The following HELB variants were observed in gnomAD, a reference collection of about 807,000 sequenced individuals.
HELB encodes DNA helicase B.
A neutral mutation model predicts 101.7 loss-of-function variants in HELB; 96 were observed. That is an observed-to-expected ratio of 0.94 (90% CI 0.80 to 1.12). The LOEUF is 1.12. Among genes scored for constraint, HELB ranks in the 50% most tolerant of loss-of-function variants. HELB has a pLI of 0.00. For missense variants in HELB, 1,210 were observed against 1,291.9 expected, an observed-to-expected ratio of 0.94 and a Z score of 0.97; for synonymous variants, 437 against 459.7, an observed-to-expected ratio of 0.95 and a Z score of 0.63.
At chr12:66,309,666 T>TA in intron 3 of HELB, 40 bp from the exon 4 acceptor site, 4 of 1,328,838 alleles carry the variant, frequency 3.0e-6, no homozygotes, top group Non-Finnish European at 4.2e-6. Flanking sequence ...CATAAACACT[T>TA]ATGATGTTTA....
rs370796706 is a variant in HELB, at chr12:66,302,586, G to A, written c.-18G>A. The A allele has an allele frequency of 1.9e-5, 30 of 1,607,490 alleles. No individual in the cohort carries two copies. Among genetic ancestry groups the A allele is most frequent in the Middle Eastern group, 1.7e-4 (1 of 6,054 alleles). ...GCCAGGGTTTTCCCGAGTTGTTTGG[G>A]TTGAGTTCAGGAGAAGCATGGCCAG... On this transcript the variant is annotated 5_prime_UTR_variant, in exon 1 of 13. Coordinates refer to ENST00000247815, the MANE Select transcript of HELB (RefSeq NM_001370285.1).
chr12:66,329,706 G>C (rs1050694484), intron 11 of HELB, among the ~76,000 whole-genome samples: 12 of 152,086 alleles, frequency 7.9e-5, no homozygotes, highest in Non-Finnish European at 1.8e-4. Context: ...GCAAGAGAAG[G>C]TACAGGGAGA....
At chr12:66,329,153 ATTAT>A (rs1317940976) in intron 11 of HELB, among the ~76,000 whole-genome samples, 1 of 152,204 alleles carries the variant, frequency 6.6e-6, no homozygotes, top group Non-Finnish European at 1.5e-5. Flanking sequence ...CAATGAGGAA[ATTAT>A]TTATAGCAGG....
At position 66,308,391 on chromosome 12, in the gene HELB, A is replaced by G. The variant is rs545339694; in HGVS notation, c.778-1315A>G. ...CAGTCACTCTTCACAGAGAAGAATC[A>G]TACGTGGAGATTTTAAGCCTGGATG... On this transcript the variant is annotated intron_variant, in intron 3 of 12. Coordinates refer to ENST00000247815, the MANE Select transcript of HELB (RefSeq NM_001370285.1). 4.6e-5 allele frequency among the ~76,000 whole-genome samples: 7 copies of G among 152,342 alleles called. No homozygotes were observed. The East Asian group carries it at 1.2e-3, about 25-fold the overall frequency.
At chr12:66,309,620 T>G in intron 3 of HELB, 86 bp from the exon 4 acceptor site, 1 of 909,402 alleles carries the variant, frequency 1.1e-6, no homozygotes, top group Non-Finnish European at 1.6e-6. Flanking sequence ...GTTCATGTCT[T>G]CTGGGATTTA....
At chr12:66,332,767 G>T (rs765902375) in intron 12 of HELB, among the ~76,000 whole-genome samples, 4 of 152,198 alleles carry the variant, frequency 2.6e-5, no homozygotes, top group Non-Finnish European at 5.9e-5. Flanking sequence ...TGTCCGTTAA[G>T]ATTCACTTCT....
chr12:66,311,469 C>T (rs918196505), intron 4 of HELB, among the ~76,000 whole-genome samples: 1 of 152,090 alleles, frequency 6.6e-6, no homozygotes, highest in African/African-American at 2.4e-5. Flanking sequence ...CTAAAAACAA[C>T]AGCAAAAATT....
chr12:66,315,515 T>A, intron 6 of HELB, 132 bp downstream of exon 6: 1 of 543,238 alleles, frequency 1.8e-6, no homozygotes, highest in Non-Finnish European at 2.9e-6. Flanking sequence ...CCTTCAACTA[T>A]AAACCTTTTG....
Position 66,331,316 on chromosome 12 carries a change from A to G in HELB, c.2833A>G (p.Thr945Ala), listed in dbSNP as rs1228908122. 6.2e-7 allele frequency: 1 copy of G among 1,614,072 alleles called. No individual in the cohort carries two copies. The highest frequency in any genetic ancestry group is 8.5e-7 in the Non-Finnish European group (1 of 1,180,030). ...TATGAAAAACAGTTTTCCTAGAAAA[A>G]CTCGTTTGAAACATTTCTTGCAAAG... ...AIMKNSFPRKTRLKHFLQSKL... is the reference protein window; with the variant it reads ...AIMKNSFPRKARLKHFLQSKL... Residue 945 changes from threonine to alanine, a missense_variant, in exon 12 of 13, where the codon ACT becomes GCT. This residue lies in a region of HELB where 740 missense variants were observed against 728.8 expected (regional missense o/e 1.02). Coordinates refer to ENST00000247815, the MANE Select transcript of HELB (RefSeq NM_001370285.1).
intron 11 of HELB, among the ~76,000 whole-genome samples, chr12:66,326,463 G>A (rs560440431): frequency 2.0e-5 from 3 of 151,856 alleles, no homozygotes; most frequent in South Asian, 2.1e-4. Flanking sequence ...GGCTGGTCTC[G>A]AACTCCTGAC....
intron 12 of HELB, among the ~76,000 whole-genome samples, chr12:66,334,471 G>GAAAAAAAAAA (rs34530283): frequency 1.8e-5 from 2 of 109,510 alleles, no homozygotes; most frequent in African/African-American, 3.5e-5. Flanking sequence ...CAAAAAAAAA[G>GAAAAAAAAAA]AAAAAAAAAA....
At chr12:66,334,471 G>GAAAAAAAAA (rs34530283) in intron 12 of HELB, among the ~76,000 whole-genome samples, 4 of 109,510 alleles carry the variant, frequency 3.7e-5, no homozygotes, top group Admixed American at 9.1e-5. Flanking sequence ...CAAAAAAAAA[G>GAAAAAAAAA]AAAAAAAAAA....
In HELB at chr12:66,310,361, G is replaced by C. The variant is rs761117792; in HGVS notation, c.1433G>C (p.Gly478Ala). 6.2e-7 allele frequency: 1 copy of C among 1,614,200 alleles called. No individual in the cohort carries two copies. Among genetic ancestry groups the C allele is most frequent in the Non-Finnish European group, 8.5e-7 (1 of 1,180,040 alleles). Residue 478 changes from glycine (G) to alanine (A), a missense_variant, in exon 4 of 13, where the codon GGA becomes GCA. Physicochemically the swap from Gly to Ala is moderately conservative, Grantham distance 60. Around this residue, in one of 2 missense-constraint regions of HELB, gnomAD observed 740 missense variants for 728.8 expected, o/e 1.02. Transcript: ENST00000247815. ...NPVTVISGKG[G>A]CGKTTIVSRL... The stretch of plus-strand genomic sequence containing the variant: ...GTGACAGTCATAAGTGGGAAAGGTG[G>C]ATGTGGGAAGACCACAATCGTTAGC...
intron 1 of HELB, 127 bp from the exon 2 acceptor site, chr12:66,304,604 C>A (rs755280622): frequency 6.2e-6 from 5 of 808,872 alleles, no homozygotes; most frequent in Admixed American, 2.9e-5. Flanking sequence ...AGGCACCCTA[C>A]CAGACATCTT....
At chr12:66,313,742 C>A (rs150130465) in intron 4 of HELB, among the ~76,000 whole-genome samples, 85 of 152,200 alleles carry the variant, frequency 5.6e-4, no homozygotes, top group African/African-American at 1.9e-3. Flanking sequence ...GAATAGGGAG[C>A]TTTCTGTGTT....
rs139815108 is a variant in HELB at position 66,325,177 on chromosome 12, C to T, written c.2670+51C>T. The T allele has an allele frequency of 9.8e-3, 12,932 of 1,316,102 alleles. 72 individuals carry two copies. Among genetic ancestry groups the T allele is most frequent in the Middle Eastern group, 0.015 (77 of 5,126 alleles). The allele number at this position is 1,316,102 out of a possible 1,614,324, so 81.5% of individuals were successfully genotyped here. On this transcript the variant is annotated intron_variant, in intron 11 of 12. Transcript: ENST00000247815. ...TTTAAATAATTTACCAACCTTAGAG[C>T]GCCTTGCATTGTTTTCGTAAATTTT... is the stretch of plus-strand genomic sequence containing the variant.
chr12:66,334,421 C>A (rs751745094), intron 12 of HELB, among the ~76,000 whole-genome samples: 1 of 148,560 alleles, frequency 6.7e-6, no homozygotes, highest in East Asian at 2.0e-4. Flanking sequence ...GTGATTGTGA[C>A]GTCCCATTCC....
intron 12 of HELB, among the ~76,000 whole-genome samples, chr12:66,334,780 AAAAT>A (rs59458642): frequency 0.41 from 62,056 of 150,886 alleles, 13,271 homozygotes; most frequent in East Asian, 0.51. Flanking sequence ...CCCTGTCTCA[AAAAT>A]AAATAAATAA....
chr12:66,314,163 G>A lies in HELB; in HGVS notation c.1858G>A (p.Gly620Ser). 3 of 1,609,908 alleles carry A rather than the reference G, an allele frequency of 1.9e-6. No individual in the cohort carries two copies. Among genetic ancestry groups the A allele is most frequent in the Non-Finnish European group, 2.5e-6 (3 of 1,177,242 alleles). The part of the protein sequence containing the change: ...HSKLSKLIIL[G>S]DIRQLPSIEP... ...CAAACTTTCTAAGCTTATTATCCTT[G>A]GTAAGTTAAAATATTGTTGGAATTC... The change falls in exon 5 of 13, where the codon GGT becomes AGT. Residue 620 changes from glycine (G) to serine (S), a missense_variant and splice_region_variant. Coordinates refer to ENST00000247815, the MANE Select transcript of HELB (RefSeq NM_001370285.1).
Sources: gnomAD v4.1 joint callset for allele counts (sites outside exome capture counted in the v4.1 genomes callset) on GRCh38, gnomAD v4.1.1 for gene constraint, gnomAD v4.1.1 regional missense constraint, MANE v1.5 for transcripts, NCBI Gene and HGNC (gene_info 2026-07-23, HGNC 2026-07-21) for gene names.